FGFR1: variants seen among roughly 807,000 people sequenced by gnomAD.
FGFR1 encodes FGFR1/PLAG1 fusion.
A neutral mutation model predicts 93.7 loss-of-function variants in FGFR1; 18 were observed. The ratio of observed to expected loss-of-function variants is 0.19; its 90% CI spans 0.13 to 0.28. The LOEUF is 0.28. Among genes scored for constraint, FGFR1 ranks in the 10% least tolerant of loss-of-function variants. FGFR1 has a pLI of 1.00. For synonymous variants in FGFR1, 448 were observed against 429.3 expected (o/e 1.04, Z -0.54); for missense variants, 731 against 1,080.4 (o/e 0.68, Z 4.53).
In FGFR1 at chr8:38,468,497, C is replaced by G. The variant is rs961698847; in HGVS notation, c.-605G>C. On this transcript the variant is annotated 5_prime_UTR_variant, in exon 1 of 18. Transcript: ENST00000447712. ...CGCTACGAGGGGTCTCGGTCCCGTCCGGACGTGGCCGCCCAGCTCCCGGCA... is the reference window on the plus strand; with the variant it reads ...CGCTACGAGGGGTCTCGGTCCCGTCGGGACGTGGCCGCCCAGCTCCCGGCA... 1 of 228,540 alleles carries G rather than the reference C, an allele frequency of 4.4e-6. No individual in the cohort carries two copies. The highest frequency in any genetic ancestry group is 2.2e-5 in the African/African-American group (1 of 45,044). The allele number at this position is 228,540 out of a possible 1,614,324, so 14.2% of individuals were successfully genotyped here.
At chr8:38,466,233 C>G (rs561897986) in intron 1 of FGFR1, 211 of 232,466 alleles carry the variant, frequency 9.1e-4, no homozygotes, top group Non-Finnish European at 1.4e-3. Context: ...ACGCCCCCGG[C>G]CCTGCGCACC....
intron 2 of FGFR1, among the ~76,000 whole-genome samples, chr8:38,441,947 T>G (rs1295280395): frequency 1.3e-5 from 2 of 152,222 alleles, no homozygotes; most frequent in Non-Finnish European, 2.9e-5. Context: ...CTATCTGTGT[T>G]TGCAAAGGCT....
chr8:38,414,914 G>T lies in FGFR1; in HGVS notation c.1855-13C>A. The T allele has an allele frequency of 6.2e-7, 1 of 1,610,176 alleles. No individual in the cohort carries two copies. Among genetic ancestry groups the T allele is most frequent in the South Asian group, 1.1e-5 (1 of 91,032 alleles). ...CTCGGTGTATGCACTGAGGAAGGAG[G>T]AAGGGAGAGCGGGAGGCGGGGAGGT... On this transcript the variant is annotated splice_polypyrimidine_tract_variant and intron_variant, in intron 13 of 17. Coordinates refer to ENST00000447712, the MANE Select transcript of FGFR1 (RefSeq NM_023110.3).
intron 1 of FGFR1, among the ~76,000 whole-genome samples, chr8:38,459,471 TTC>T (rs1381710508): frequency 6.6e-6 from 1 of 152,190 alleles, no homozygotes; most frequent in Non-Finnish European, 1.5e-5. Context: ...AAGTCAACAT[TTC>T]TCTTTCATTT....
chr8:38,461,094 G>A (rs2151425660), intron 1 of FGFR1: 1 of 1,536,078 alleles, frequency 6.5e-7, no homozygotes. Flanking sequence ...TGAAATACTT[G>A]CCTTGCCTCC....
chr8:38,432,919 T>A (rs60858123), intron 2 of FGFR1, among the ~76,000 whole-genome samples: 846 of 24,354 alleles, frequency 0.035, 28 homozygotes, highest in African/African-American at 0.12. Flanking sequence ...CCCCCCCCCC[T>A]CCCCAGTTGG....
intron 1 of FGFR1, chr8:38,465,666 G>A (rs957174748): frequency 1.5e-4 from 34 of 224,304 alleles, no homozygotes; most frequent in Middle Eastern, 1.4e-3. Context: ...GTCACCGAGA[G>A]GAAGGTGGAT....
rs1833224151 is a variant in FGFR1 at position 38,457,641 on chromosome 8, C to CT, written c.-88-108dup. On this transcript the variant is annotated intron_variant, in intron 1 of 17. Coordinates refer to ENST00000447712, the MANE Select transcript of FGFR1 (RefSeq NM_023110.3). Reference sequence around the variant, plus strand: ...ATGTGGTGGCTGCTTAAAGTGTGGACTTACTAAGGCGTCCAGAAGAAAATT... The same window carrying CT: ...ATGTGGTGGCTGCTTAAAGTGTGGACTTTACTAAGGCGTCCAGAAGAAAATT... The CT allele has an allele frequency of 7.3e-6, 8 of 1,100,594 alleles. No individual in the cohort carries two copies. In the East Asian group the frequency reaches 1.8e-4, roughly 25 times the overall value. 68.2% of individuals were successfully genotyped at this position (1,100,594 alleles called of 1,614,324 possible).
At chr8:38,434,698 G>T (rs1228729031) in intron 2 of FGFR1, 1 of 167,362 alleles carries the variant, frequency 6.0e-6, no homozygotes, top group African/African-American at 2.4e-5. Context: ...TTGGTGAATG[G>T]TCACCTCCAG....
chr8:38,435,836 C>G (rs142241768), intron 2 of FGFR1, among the ~76,000 whole-genome samples: 67 of 152,330 alleles, frequency 4.4e-4, no homozygotes, highest in African/African-American at 1.5e-3. Context: ...CACTTGAAAC[C>G]AACATTCCAA....
chr8:38,446,874 C>T (rs778798885), intron 2 of FGFR1, among the ~76,000 whole-genome samples: 7 of 152,108 alleles, frequency 4.6e-5, no homozygotes, highest in Non-Finnish European at 1.0e-4. Flanking sequence ...ACCACACATT[C>T]TAGGCTAACT....
At chr8:38,452,939 T>C (rs1831550091) in intron 2 of FGFR1, among the ~76,000 whole-genome samples, 1 of 152,216 alleles carries the variant, frequency 6.6e-6, no homozygotes, top group African/African-American at 2.4e-5. Context: ...ATCACGCCAC[T>C]GCACTCCAGC....
intron 7 of FGFR1, chr8:38,423,118 C>A: frequency 1.3e-6 from 1 of 779,644 alleles, no homozygotes; most frequent in Non-Finnish European, 2.4e-6. Context: ...CCGCTCTGGG[C>A]CTCTGTCACA....
At chr8:38,441,067 C>A in intron 2 of FGFR1, among the ~76,000 whole-genome samples, 1 of 149,002 alleles carries the variant, frequency 6.7e-6, no homozygotes, top group South Asian at 2.2e-4. Context: ...GCCCCGAGAC[C>A]CCCCAAAAAC....
At chr8:38,444,507 GC>G (rs1175589576) in intron 2 of FGFR1, among the ~76,000 whole-genome samples, 2 of 148,188 alleles carry the variant, frequency 1.3e-5, no homozygotes, top group African/African-American at 2.5e-5. Flanking sequence ...CCCCACCTCA[GC>G]CCCCCAAGCA....
Position 38,419,674 on chromosome 8 carries a change from G to A in FGFR1, c.1143C>T (p.Cys381=), listed in dbSNP as rs769332661. 1 of 1,614,144 alleles carries A rather than the reference G, an allele frequency of 6.2e-7. No homozygotes were observed. The highest frequency in any genetic ancestry group is 1.7e-5 in the Admixed American group (1 of 60,022). ...SPLYLEIIIY[C]TGAFLISCMV... is the part of the protein sequence containing the mutation. ...TGCAGGAGATGAGGAAGGCCCCTGT[G>A]CAATAGATGATGATCTCCAGGTACA... The change falls in exon 9 of 18, where the codon TGC becomes TGT. Residue 381 remains cysteine, a synonymous_variant. Coordinates refer to ENST00000447712, the MANE Select transcript of FGFR1 (RefSeq NM_023110.3).
chr8:38,467,088 T>G (rs903892879), intron 1 of FGFR1, among the ~76,000 whole-genome samples: 35 of 151,946 alleles, frequency 2.3e-4, no homozygotes, highest in African/African-American at 8.5e-4. Flanking sequence ...AGCATACGCA[T>G]CGCTGCCGAG....
intron 2 of FGFR1, among the ~76,000 whole-genome samples, chr8:38,443,821 A>G (rs1828379620): frequency 6.6e-6 from 1 of 152,162 alleles, no homozygotes; most frequent in Non-Finnish European, 1.5e-5. Context: ...TGGGAAGCTG[A>G]GGTGGGCGGA....
intron 2 of FGFR1, among the ~76,000 whole-genome samples, chr8:38,455,576 C>A (rs565303048): frequency 6.6e-6 from 1 of 152,338 alleles, no homozygotes; most frequent in Non-Finnish European, 1.5e-5. Context: ...CAGGCGTGAG[C>A]CACCGTGCCC....
Sources: allele counts gnomAD v4.1 joint callset (sites outside exome capture counted in the v4.1 genomes callset), GRCh38; gene constraint gnomAD v4.1.1; transcripts MANE v1.5; gene names NCBI Gene and HGNC (gene_info 2026-07-23, HGNC 2026-07-21).